The following SGK3 variants were observed in gnomAD, a reference collection of about 807,000 sequenced individuals.
SGK3 encodes the protein serine/threonine-protein kinase Sgk3.
Under a neutral mutation model 68.5 loss-of-function variants are expected in SGK3, and 47 were observed. That is an observed-to-expected ratio of 0.69 (90% CI 0.54 to 0.87). SGK3 has a LOEUF of 0.87. Ranked by LOEUF, SGK3 falls within the 40% of genes least tolerant of loss-of-function variation. SGK3 has a pLI of 0.00. For missense variants in SGK3, 479 were observed against 575.5 expected (o/e 0.83, Z 1.72); for synonymous variants, 181 against 189.1 (o/e 0.96, Z 0.35).
Position 66,762,680 on chromosome 8 carries a change from A to G in SGK3, c.-121-30936A>G, listed in dbSNP as rs1806210451. ...TAGTTGTTTAGTCTAATCAAGATCTAAATAAGATCCATACAATTGGTAATT... is the reference window on the plus strand; with the variant it reads ...TAGTTGTTTAGTCTAATCAAGATCTGAATAAGATCCATACAATTGGTAATT... On this transcript the variant is annotated intron_variant, in intron 1 of 16. Coordinates refer to ENST00000521198, the MANE Select transcript of SGK3 (RefSeq NM_001033578.3). Among the ~76,000 whole-genome samples, 6 of 152,214 alleles carry G rather than the reference A, an allele frequency of 3.9e-5. No homozygotes were observed. In the South Asian group the frequency reaches 1.2e-3, roughly 31 times the overall value.
At position 66,745,921 on chromosome 8, in the gene SGK3, C is replaced by T. The variant is rs184449172; in HGVS notation, c.-122+33088C>T. Among the ~76,000 whole-genome samples the T allele has an allele frequency of 2.8e-3, 425 of 152,184 alleles. 5 individuals are homozygous for T. Among genetic ancestry groups the T allele is most frequent in the African/African-American group, 1.0e-2 (414 of 41,512 alleles). On this transcript the variant is annotated intron_variant, in intron 1 of 16. Coordinates refer to ENST00000521198, the MANE Select transcript of SGK3 (RefSeq NM_001033578.3). ...TTTTAGTGGCAGTAGTCCTAAACAC[C>T]TCCCAAAAGAGCCCACCTCCCAACA...
chr8:66,829,029 G>T (rs1393150937), intron 7 of SGK3, among the ~76,000 whole-genome samples: 1 of 151,432 alleles, frequency 6.6e-6, no homozygotes, highest in Non-Finnish European at 1.5e-5. Flanking sequence ...TTTCCCAAGG[G>T]ACCACAAGTC....
At chr8:66,856,071 C>CTTT (rs60655532) in intron 16 of SGK3, among the ~76,000 whole-genome samples, 1 of 144,020 alleles carries the variant, frequency 6.9e-6, no homozygotes, top group Non-Finnish European at 1.5e-5. Context: ...CTCAACTGTT[C>CTTT]TTTTTTTTTT....
intron 7 of SGK3, among the ~76,000 whole-genome samples, chr8:66,830,402 CATT>C (rs1357319524): frequency 6.6e-6 from 1 of 152,180 alleles, no homozygotes; most frequent in Non-Finnish European, 1.5e-5. Flanking sequence ...CTTTACCTGT[CATT>C]ATTTAACCTA....
chr8:66,840,320 T>G, intron 12 of SGK3, 73 bp downstream of exon 12: 2 of 1,348,736 alleles, frequency 1.5e-6, no homozygotes, highest in Non-Finnish European at 2.0e-6. Context: ...GCAAAAAAAG[T>G]CTCAGAGATT....
At chr8:66,719,520 T>C (rs1327878143) in intron 1 of SGK3, among the ~76,000 whole-genome samples, 1 of 152,066 alleles carries the variant, frequency 6.6e-6, no homozygotes, top group Non-Finnish European at 1.5e-5. Flanking sequence ...GGTCTTACTA[T>C]ATTGCCCAGA....
chr8:66,769,966 G>A (rs958829126), intron 1 of SGK3, among the ~76,000 whole-genome samples: 3 of 151,906 alleles, frequency 2.0e-5, no homozygotes, highest in East Asian at 1.9e-4. Context: ...TTTTTTGTTT[G>A]TTTTTGAGAC....
intron 7 of SGK3, among the ~76,000 whole-genome samples, chr8:66,828,967 G>GTGTGTGTGT (rs1554604088): frequency 3.8e-4 from 46 of 119,558 alleles, no homozygotes; most frequent in South Asian, 8.6e-4. Context: ...GTGGGTGGGG[G>GTGTGTGTGT]GTGTGTGTGT....
intron 2 of SGK3, 74 bp downstream of exon 2, chr8:66,793,906 C>A: frequency 6.9e-7 from 1 of 1,447,826 alleles, no homozygotes; most frequent in Non-Finnish European, 9.5e-7. Context: ...TTTTCTTCTC[C>A]AACCTAGAAC....
At chr8:66,776,561 GAGGCCAA>G (rs1229319550) in intron 1 of SGK3, among the ~76,000 whole-genome samples, 1 of 152,224 alleles carries the variant, frequency 6.6e-6, no homozygotes, top group Non-Finnish European at 1.5e-5. Flanking sequence ...AGATAAGGAT[GAGGCCAA>G]AGACTCAGAA....
intron 15 of SGK3, among the ~76,000 whole-genome samples, chr8:66,849,284 GCCGCTATTGTCC>G (rs1810165402): frequency 6.6e-6 from 1 of 152,156 alleles, no homozygotes; most frequent in Admixed American, 6.5e-5. Flanking sequence ...TACCTCAGAT[GCCGCTATTGTCC>G]CCCTGTGCTC....
intron 12 of SGK3, chr8:66,840,626 G>T (rs1809762057): frequency 4.8e-6 from 1 of 209,146 alleles, no homozygotes; most frequent in Non-Finnish European, 9.4e-6. Context: ...ATTTCATATG[G>T]ATCTATAATT....
At position 66,831,285 on chromosome 8, in the gene SGK3, G is replaced by A; in HGVS notation, c.499G>A (p.Val167Ile). ...ACCAACTGACTTTGATTTCTTAAAA[G>A]TTATTGGAAAAGGCAGCTTTGGCAA... ...AKPTDFDFLK[V>I]IGKGSFGKVL... The change falls in exon 8 of 17, where the codon GTT becomes ATT. Residue 167 changes from valine (V) to isoleucine (I), a missense_variant. Val to Ile is a conservative substitution (Grantham distance 29, BLOSUM62 3). Coordinates refer to ENST00000521198, the MANE Select transcript of SGK3 (RefSeq NM_001033578.3). The A allele has an allele frequency of 6.2e-7, 1 of 1,613,862 alleles. No homozygotes were observed. Among genetic ancestry groups the A allele is most frequent in the South Asian group, 1.1e-5 (1 of 91,062 alleles).
Position 66,842,337 on chromosome 8 carries a change from C to G in SGK3, c.979-1115C>G, listed in dbSNP as rs575426604. Among the ~76,000 whole-genome samples, 1,226 of 151,814 alleles carry G rather than the reference C, an allele frequency of 8.1e-3. 15 individuals are homozygous for G. The highest frequency in any genetic ancestry group is 0.028 in the African/African-American group (1,155 of 41,400). On this transcript the variant is annotated intron_variant, in intron 13 of 16. Transcript: ENST00000521198. ...CCAGGTTCACGCCATTCTCCTGCCT[C>G]AGCCCCCCGAGTAGCTGGGACTACA...
intron 6 of SGK3, 131 bp from the exon 7 acceptor site, chr8:66,828,523 G>A: frequency 8.3e-7 from 1 of 1,203,528 alleles, no homozygotes; most frequent in African/African-American, 1.5e-5. Context: ...CTGAGAATCA[G>A]GACTTTGGGT....
intron 16 of SGK3, among the ~76,000 whole-genome samples, chr8:66,856,261 G>C (rs977924121): frequency 6.6e-6 from 1 of 152,082 alleles, no homozygotes; most frequent in African/African-American, 2.4e-5. Flanking sequence ...TAGAGATGGG[G>C]TTCCATCGTG....
intron 1 of SGK3, among the ~76,000 whole-genome samples, chr8:66,746,090 T>C (rs1221330258): frequency 6.6e-6 from 1 of 152,200 alleles, no homozygotes; most frequent in East Asian, 1.9e-4. Flanking sequence ...TCCAGAACTA[T>C]TCAGGTTTTC....
chr8:66,791,227 T>C (rs1442718783), intron 1 of SGK3, among the ~76,000 whole-genome samples: 10 of 152,178 alleles, frequency 6.6e-5, no homozygotes, highest in Admixed American at 6.5e-4. Context: ...AGCGCCTTGC[T>C]CCTCTTACCC....
chr8:66,817,411 C>CA (rs1359906908), intron 5 of SGK3, among the ~76,000 whole-genome samples: 1 of 151,332 alleles, frequency 6.6e-6, no homozygotes, highest in Non-Finnish European at 1.5e-5. Flanking sequence ...AGCCTGGCGA[C>CA]AGAGTGAGAC....
Sources: gnomAD v4.1 joint callset for allele counts (sites outside exome capture counted in the v4.1 genomes callset) on GRCh38, gnomAD v4.1.1 for gene constraint, MANE v1.5 for transcripts, NCBI Gene and HGNC (gene_info 2026-07-23, HGNC 2026-07-21) for gene names.